The following ANKRD13C variants were observed in gnomAD, a reference collection of about 807,000 sequenced individuals.
ANKRD13C encodes ankyrin repeat domain 13C, also known as ankyrin repeat domain-containing protein 13C.
A neutral mutation model predicts 65.5 loss-of-function variants in ANKRD13C; 16 were observed. The ratio of observed to expected loss-of-function variants is 0.24; its 90% CI spans 0.17 to 0.37. The LOEUF is 0.37. Among genes scored for constraint, ANKRD13C ranks in the 10% least tolerant of loss-of-function variants. ANKRD13C has a pLI of 1.00. For missense variants in ANKRD13C, 503 were observed against 655.9 expected (o/e 0.77, Z 2.55); for synonymous variants, 235 against 238.7 (o/e 0.98, Z 0.14).
Position 70,336,626 on chromosome 1 carries a change from G to A in ANKRD13C, c.431-527C>T, listed in dbSNP as rs557170362. On this transcript the variant is annotated intron_variant, in intron 1 of 12. Coordinates refer to ENST00000370944, the MANE Select transcript of ANKRD13C (RefSeq NM_030816.5). ...TGAAGAATGGACCACACTGAAATGA[G>A]CCTTAAAGAATTTGTTAGAAATCTG... Among the ~76,000 whole-genome samples the A allele has an allele frequency of 1.1e-3, 175 of 152,298 alleles. 2 individuals are homozygous for A. Among genetic ancestry groups the A allele is most frequent in the African/African-American group, 4.1e-3 (172 of 41,566 alleles).
chr1:70,309,527 G>A (rs921624345), intron 5 of ANKRD13C, among the ~76,000 whole-genome samples: 1 of 149,882 alleles, frequency 6.7e-6, no homozygotes, highest in African/African-American at 2.4e-5. Flanking sequence ...GACCATCTTG[G>A]CTAACACGGT....
intron 2 of ANKRD13C, among the ~76,000 whole-genome samples, chr1:70,331,903 G>A (rs1681823885): frequency 6.8e-6 from 1 of 146,070 alleles, no homozygotes; most frequent in South Asian, 2.2e-4. Context: ...TCTCACTCTT[G>A]TGCAACCAAA....
chr1:70,302,103 A>G (rs1680382419), intron 6 of ANKRD13C, among the ~76,000 whole-genome samples: 1 of 152,228 alleles, frequency 6.6e-6, no homozygotes, highest in African/African-American at 2.4e-5. Context: ...AAAAACAGAA[A>G]TAAAACATGC....
intron 5 of ANKRD13C, among the ~76,000 whole-genome samples, chr1:70,308,690 G>T (rs1680699484): frequency 7.1e-6 from 1 of 141,226 alleles, no homozygotes; most frequent in South Asian, 2.4e-4. Context: ...AGTGAGCCGA[G>T]ATTGCGCCAC....
chr1:70,276,174 A>G (rs918474818), intron 10 of ANKRD13C, among the ~76,000 whole-genome samples: 1 of 152,060 alleles, frequency 6.6e-6, no homozygotes, highest in African/African-American at 2.4e-5. Context: ...TTAAAAATAA[A>G]CCCTTTCTTT....
chr1:70,342,357 T>C (rs1370623040), intron 1 of ANKRD13C, among the ~76,000 whole-genome samples: 1 of 151,882 alleles, frequency 6.6e-6, no homozygotes, highest in Non-Finnish European at 1.5e-5. Context: ...GACCAACATG[T>C]TGAAACCCCA....
chr1:70,328,276 TCAA>T (rs1445653551), intron 2 of ANKRD13C, among the ~76,000 whole-genome samples: 2 of 152,136 alleles, frequency 1.3e-5, no homozygotes, highest in African/African-American at 4.8e-5. Context: ...CAGAGTCATC[TCAA>T]CAGGCTTAAA....
intron 1 of ANKRD13C, among the ~76,000 whole-genome samples, chr1:70,343,092 T>C (rs1295104203): frequency 6.6e-6 from 1 of 152,210 alleles, no homozygotes. Context: ...CAAGTCCAAA[T>C]TTTAATCATA....
intron 5 of ANKRD13C, among the ~76,000 whole-genome samples, chr1:70,309,137 G>A (rs184984873): frequency 2.0e-5 from 3 of 151,232 alleles, no homozygotes; most frequent in African/African-American, 7.3e-5. Context: ...CCGCCTCCCA[G>A]GTTCAAGTGA....
rs1297085901 is a variant in ANKRD13C at position 70,296,055 on chromosome 1, A to G, written c.1053+75T>C. The G allele has an allele frequency of 1.1e-5, 17 of 1,531,304 alleles. No homozygotes were observed. In the South Asian group the frequency reaches 1.5e-4, roughly 14 times the overall value. 94.9% of individuals were successfully genotyped at this position (1,531,304 alleles called of 1,614,324 possible). ...GACAATTCTGTAAGCTACTTCTTGC[A>G]TTTCCATCACGTTATTTTGGAAATA... On this transcript the variant is annotated intron_variant, in intron 8 of 12. Transcript: ENST00000370944.
intron 1 of ANKRD13C, among the ~76,000 whole-genome samples, chr1:70,345,034 T>G (rs573728774): frequency 6.6e-6 from 1 of 152,206 alleles, no homozygotes; most frequent in Non-Finnish European, 1.5e-5. Flanking sequence ...AGCTAGGTTT[T>G]TATATATGCT....
In ANKRD13C at chr1:70,260,455, T is replaced by G. The variant is rs1678351162; in HGVS notation, c.*2262A>C. The stretch of plus-strand genomic sequence containing the variant: ...AAATGGAGAAGAACATATAGAATTT[T>G]GTGTACCTACATTGCAAAATCTTGA... On this transcript the variant is annotated 3_prime_UTR_variant, in exon 13 of 13. Coordinates refer to ENST00000370944, the MANE Select transcript of ANKRD13C (RefSeq NM_030816.5). 6.6e-6 allele frequency: 1 copy of G among 152,164 alleles called. No individual in the cohort carries two copies. The highest frequency in any genetic ancestry group is 2.4e-5 in the African/African-American group (1 of 41,462). The allele number at this position is 152,164 out of a possible 1,614,324, so 9.4% of individuals were successfully genotyped here. A position where few individuals can be genotyped will look rare whatever the true frequency, so the allele number is the denominator to read the frequency against.
rs188233642 is a variant in ANKRD13C, at chr1:70,322,757, C to G, written c.577+2096G>C. Among the ~76,000 whole-genome samples, 48 of 152,212 alleles carry G rather than the reference C, an allele frequency of 3.2e-4. 1 individual carries two copies. In the East Asian group the frequency reaches 9.3e-3, roughly 29 times the overall value. On this transcript the variant is annotated intron_variant, in intron 3 of 12. Transcript: ENST00000370944. ...CCTGTAACCCCAGCATTTTGGGAGG[C>G]CGAGGCTGGTGGATCACCTGACGTC... is the stretch of plus-strand genomic sequence containing the variant.
At chr1:70,345,932 G>A (rs1484175676) in intron 1 of ANKRD13C, among the ~76,000 whole-genome samples, 2 of 152,036 alleles carry the variant, frequency 1.3e-5, no homozygotes, top group Non-Finnish European at 2.9e-5. Context: ...TGAAAAAGGT[G>A]GCTAGCTCAG....
At chr1:70,301,806 A>T (rs745933782) in intron 6 of ANKRD13C, among the ~76,000 whole-genome samples, 2 of 152,218 alleles carry the variant, frequency 1.3e-5, no homozygotes, top group Non-Finnish European at 2.9e-5. Context: ...AGTTTACAAT[A>T]CACTGACGTG....
At chr1:70,304,007 T>C (rs533331055) in intron 6 of ANKRD13C, among the ~76,000 whole-genome samples, 2 of 152,268 alleles carry the variant, frequency 1.3e-5, no homozygotes, top group Admixed American at 6.5e-5. Flanking sequence ...CTCACAATTT[T>C]TCTCCCCCAG....
rs1442716009 is a variant in ANKRD13C, at chr1:70,261,058, C to T, written c.*1659G>A. 2 of 152,058 alleles carry T rather than the reference C, an allele frequency of 1.3e-5. No homozygotes were observed. The highest frequency in any genetic ancestry group is 2.9e-5 in the Non-Finnish European group (2 of 67,944). The allele number at this position is 152,058 out of a possible 1,614,324, so 9.4% of individuals were successfully genotyped here. A position where few individuals can be genotyped will look rare whatever the true frequency, so the allele number is the denominator to read the frequency against. On this transcript the variant is annotated 3_prime_UTR_variant, in exon 13 of 13. Transcript: ENST00000370944. ...TTTGATCTACCCATTTCCTAAATAA[C>T]AGCGATCAACTTCTATTCAACAAAG... is the stretch of plus-strand genomic sequence containing the variant.
At chr1:70,318,364 A>T (rs1681157769) in intron 3 of ANKRD13C, among the ~76,000 whole-genome samples, 1 of 152,184 alleles carries the variant, frequency 6.6e-6, no homozygotes, top group Admixed American at 6.5e-5. Context: ...TTACAGTTTG[A>T]CCTAAAGCTT....
At chr1:70,318,968 A>T (rs1028440663) in intron 3 of ANKRD13C, among the ~76,000 whole-genome samples, 1 of 152,142 alleles carries the variant, frequency 6.6e-6, no homozygotes, top group African/African-American at 2.4e-5. Flanking sequence ...GGCATGAGCC[A>T]CCACGCCCGG....
Sources: gnomAD v4.1 joint callset for allele counts (sites outside exome capture counted in the v4.1 genomes callset) on GRCh38, gnomAD v4.1.1 for gene constraint, MANE v1.5 for transcripts, NCBI Gene and HGNC (gene_info 2026-07-23, HGNC 2026-07-21) for gene names.